CCBE1: variants seen among roughly 807,000 people sequenced by gnomAD.
CCBE1 encodes collagen and calcium binding EGF domains 1.
A neutral mutation model predicts 50.0 loss-of-function variants in CCBE1; 37 were observed. That is an observed-to-expected ratio of 0.74 (90% CI 0.57 to 0.97). CCBE1 has a LOEUF of 0.97. Among genes scored for constraint, CCBE1 ranks in the 50% least tolerant of loss-of-function variants. The pLI is 0.00. For synonymous variants in CCBE1, 234 were observed against 203.7 expected (o/e 1.15, Z -1.27); for missense variants, 538 against 523.8 (o/e 1.03, Z -0.26).
intron 2 of CCBE1, among the ~76,000 whole-genome samples, chr18:59,532,989 A>G (rs1489906168): frequency 6.6e-6 from 1 of 152,216 alleles, no homozygotes; most frequent in African/African-American, 2.4e-5. Flanking sequence ...ATGGAGAGTG[A>G]GGAACCAGAA....
chr18:59,647,853 A>G (rs1212398247), intron 2 of CCBE1, among the ~76,000 whole-genome samples: 1 of 152,224 alleles, frequency 6.6e-6, no homozygotes, highest in Non-Finnish European at 1.5e-5. Context: ...AATTTATTTT[A>G]AAAAGTGTTC....
chr18:59,551,023 A>AAAAAAG lies in CCBE1; in HGVS notation c.213-70786_213-70785insCTTTTT, dbSNP rs1915904062. 4.2e-5 allele frequency among the ~76,000 whole-genome samples: 6 copies of AAAAAAG among 141,444 alleles called. 1 individual carries two copies. The highest frequency in any genetic ancestry group is 1.4e-4 in the African/African-American group (5 of 36,066). The allele number at this position is 141,444 out of a possible 152,430, so 92.8% of individuals were successfully genotyped here. On this transcript the variant is annotated intron_variant, in intron 2 of 10. Transcript: ENST00000439986. ...CAAAAAAAAAAAAAAAAAAAAAAAA[A>AAAAAAG]AAAAAAGAAAAGAAAAGAAAAGAAA...
chr18:59,451,424 C>T (rs1481616685), intron 6 of CCBE1, among the ~76,000 whole-genome samples: 1 of 105,246 alleles, frequency 9.5e-6, no homozygotes, highest in East Asian at 2.5e-4. Flanking sequence ...TGCCAGAACA[C>T]AAGCAACTTA....
At chr18:59,625,679 C>A (rs191794896) in intron 2 of CCBE1, among the ~76,000 whole-genome samples, 36 of 150,738 alleles carry the variant, frequency 2.4e-4, no homozygotes, top group African/African-American at 8.3e-4. Flanking sequence ...AATCTCCCAG[C>A]CACCCGCCAA....
At chr18:59,583,044 C>T (rs986827798) in intron 2 of CCBE1, among the ~76,000 whole-genome samples, 2 of 152,144 alleles carry the variant, frequency 1.3e-5, no homozygotes, top group African/African-American at 4.8e-5. Context: ...GTCTTGAACT[C>T]CTGGGCTTAA....
intron 2 of CCBE1, among the ~76,000 whole-genome samples, chr18:59,491,386 G>A (rs370802801): frequency 2.7e-4 from 41 of 152,010 alleles, no homozygotes; most frequent in African/African-American, 9.4e-4. Context: ...ACTGTTCATG[G>A]CTCCCTCCTA....
chr18:59,511,051 G>A (rs1478904688), intron 2 of CCBE1, among the ~76,000 whole-genome samples: 2 of 152,168 alleles, frequency 1.3e-5, no homozygotes, highest in Non-Finnish European at 2.9e-5. Flanking sequence ...TGAGAATACT[G>A]CTGAAGACAA....
intron 2 of CCBE1, among the ~76,000 whole-genome samples, chr18:59,560,678 C>G (rs747323478): frequency 6.6e-6 from 1 of 152,216 alleles, no homozygotes; most frequent in Non-Finnish European, 1.5e-5. Flanking sequence ...TGAGTAACCA[C>G]TCCCTGGACT....
intron 2 of CCBE1, among the ~76,000 whole-genome samples, chr18:59,578,495 C>T (rs1008436649): frequency 6.6e-6 from 1 of 152,168 alleles, no homozygotes; most frequent in Non-Finnish European, 1.5e-5. Context: ...GGCACATACA[C>T]ACGTACGTTT....
chr18:59,557,232 C>G (rs887703513), intron 2 of CCBE1, among the ~76,000 whole-genome samples: 1 of 152,196 alleles, frequency 6.6e-6, no homozygotes, highest in Non-Finnish European at 1.5e-5. Context: ...TGGATGCTAG[C>G]TTGTCCTCCA....
intron 2 of CCBE1, among the ~76,000 whole-genome samples, chr18:59,521,163 G>A (rs1914582785): frequency 6.6e-6 from 1 of 152,260 alleles, no homozygotes; most frequent in Admixed American, 6.5e-5. Context: ...TAACAGTCGA[G>A]ATGGCTATTT....
chr18:59,588,120 G>C (rs2053204144), intron 2 of CCBE1, among the ~76,000 whole-genome samples: 1 of 152,172 alleles, frequency 6.6e-6, no homozygotes, highest in African/African-American at 2.4e-5. Context: ...AATTTACATA[G>C]CTCAAAGGGC....
At chr18:59,557,920 C>T (rs552320907) in intron 2 of CCBE1, among the ~76,000 whole-genome samples, 10 of 152,314 alleles carry the variant, frequency 6.6e-5, no homozygotes, top group African/African-American at 9.6e-5. Context: ...TATTAAACTA[C>T]GCATGGATAT....
At chr18:59,639,299 G>T (rs1165882715) in intron 2 of CCBE1, among the ~76,000 whole-genome samples, 1 of 152,148 alleles carries the variant, frequency 6.6e-6, no homozygotes. Context: ...AATCCACCAT[G>T]ATCAAGTAGG....
chr18:59,661,437 A>G (rs1364135066), intron 2 of CCBE1, among the ~76,000 whole-genome samples: 1 of 152,210 alleles, frequency 6.6e-6, no homozygotes, highest in Non-Finnish European at 1.5e-5. Flanking sequence ...CTGATGCCAG[A>G]CATTTAATTC....
At chr18:59,441,899 G>C (rs368173428) in intron 7 of CCBE1, among the ~76,000 whole-genome samples, 19 of 152,142 alleles carry the variant, frequency 1.2e-4, no homozygotes, top group East Asian at 7.7e-4. Context: ...AGTCCAAGGA[G>C]AAAAAGAAAA....
intron 2 of CCBE1, among the ~76,000 whole-genome samples, chr18:59,618,471 A>G (rs566971970): frequency 6.7e-6 from 1 of 148,804 alleles, no homozygotes; most frequent in Non-Finnish European, 1.5e-5. Flanking sequence ...GTCTAGCTCT[A>G]TCGCCCAGAC....
At chr18:59,604,524 C>T (rs1225318282) in intron 2 of CCBE1, among the ~76,000 whole-genome samples, 4 of 152,190 alleles carry the variant, frequency 2.6e-5, no homozygotes, top group African/African-American at 9.7e-5. Flanking sequence ...TTACTACTCC[C>T]TTGATATAAG....
chr18:59,517,618 G>T lies in CCBE1; in HGVS notation c.213-37380C>A, dbSNP rs561991946. 1.8e-4 allele frequency among the ~76,000 whole-genome samples: 27 copies of T among 152,278 alleles called. 1 individual carries two copies. Among genetic ancestry groups the T allele is most frequent in the Admixed American group, 1.6e-3 (25 of 15,294 alleles). On this transcript the variant is annotated intron_variant, in intron 2 of 10. Transcript: ENST00000439986. ...TGGAAGCCACATTTTAAGCCTAAGG[G>T]TGTCTAAATTGATTTGACAAAGCCA...
Sources: allele counts gnomAD v4.1 joint callset (sites outside exome capture counted in the v4.1 genomes callset), GRCh38; gene constraint gnomAD v4.1.1; transcripts MANE v1.5; gene names NCBI Gene and HGNC (gene_info 2026-07-23, HGNC 2026-07-21).